SNTG1: variants seen among roughly 807,000 people sequenced by gnomAD.
SNTG1 encodes the protein syntrophin gamma 1, also known as gamma-1-syntrophin.
SNTG1 carries 39 observed loss-of-function variants against 74.7 expected under a neutral mutation model. The observed-to-expected ratio is 0.52, with a 90% CI of 0.40 to 0.68. The LOEUF (loss-of-function observed/expected upper bound fraction) is 0.68, where lower values mean the gene tolerates loss of function less well. Among genes scored for constraint, SNTG1 ranks in the 30% least tolerant of loss-of-function variants. SNTG1 has a pLI of 0.00. For synonymous variants in SNTG1, 254 were observed against 217.1 expected (o/e 1.17, Z -1.49); for missense variants, 685 against 609.5 (o/e 1.12, Z -1.30).
chr8:50,034,262 A>T (rs951936772), intron 1 of SNTG1, among the ~76,000 whole-genome samples: 6 of 152,216 alleles, frequency 3.9e-5, no homozygotes, highest in Non-Finnish European at 8.8e-5. Context: ...AAGCTTTAAA[A>T]CATGCAAGAA....
chr8:50,331,078 A>G (rs1325118497), intron 2 of SNTG1, among the ~76,000 whole-genome samples: 1 of 152,140 alleles, frequency 6.6e-6, no homozygotes, highest in Non-Finnish European at 1.5e-5. Context: ...TTATTTTCTA[A>G]AATATAAATA....
chr8:50,328,139 A>T (rs1239553416), intron 2 of SNTG1, among the ~76,000 whole-genome samples: 1 of 152,086 alleles, frequency 6.6e-6, no homozygotes, highest in East Asian at 1.9e-4. Context: ...ATTTTTCTTT[A>T]TGCAGATCCG....
intron 4 of SNTG1, among the ~76,000 whole-genome samples, chr8:50,433,337 T>C (rs576629637): frequency 6.6e-6 from 1 of 152,322 alleles, no homozygotes; most frequent in Admixed American, 6.5e-5. Context: ...CTTTATTTCA[T>C]AGTATTTCAT....
At chr8:50,005,009 C>A (rs1815082488) in intron 1 of SNTG1, among the ~76,000 whole-genome samples, 1 of 152,050 alleles carries the variant, frequency 6.6e-6, no homozygotes, top group South Asian at 2.1e-4. Flanking sequence ...TTCCGCGAGC[C>A]AGATACATTT....
intron 1 of SNTG1, among the ~76,000 whole-genome samples, chr8:50,135,319 T>C (rs1008726176): frequency 3.9e-5 from 6 of 152,206 alleles, no homozygotes; most frequent in African/African-American, 1.4e-4. Flanking sequence ...CATCATGTGG[T>C]AATAAATACA....
intron 2 of SNTG1, among the ~76,000 whole-genome samples, chr8:50,381,591 T>A (rs556510781): frequency 1.4e-5 from 2 of 137,968 alleles, no homozygotes; most frequent in South Asian, 4.5e-4. Flanking sequence ...TGTGTGTGTG[T>A]GTATATATAT....
chr8:50,089,507 C>T (rs1373503658), intron 1 of SNTG1, among the ~76,000 whole-genome samples: 33 of 151,868 alleles, frequency 2.2e-4, no homozygotes, highest in Middle Eastern at 3.4e-3. Flanking sequence ...AACCTACTCA[C>T]CTGACAAAGG....
chr8:50,331,647 A>C (rs1209925360), intron 2 of SNTG1, among the ~76,000 whole-genome samples: 1 of 152,124 alleles, frequency 6.6e-6, no homozygotes, highest in Non-Finnish European at 1.5e-5. Context: ...AGACTGAATG[A>C]TGTGGTTAAG....
intron 2 of SNTG1, among the ~76,000 whole-genome samples, chr8:50,368,623 TA>T (rs2092184782): frequency 6.6e-6 from 1 of 152,032 alleles, no homozygotes; most frequent in South Asian, 2.1e-4. Flanking sequence ...CTGAAGAGGA[TA>T]GGGGGAGCAG....
chr8:50,772,451 A>G (rs2095629576), intron 18 of SNTG1, among the ~76,000 whole-genome samples: 3 of 152,126 alleles, frequency 2.0e-5, no homozygotes, highest in Admixed American at 2.0e-4. Flanking sequence ...TGTCTGTTAT[A>G]CTATTTTATC....
upstream of SNTG1, among the ~76,000 whole-genome samples, chr8:49,910,062 C>A (rs900097675): frequency 1.3e-5 from 2 of 152,210 alleles, no homozygotes; most frequent in African/African-American, 2.4e-5. Context: ...AGCGCAATGT[C>A]CCCGGGAGGG....
intron 17 of SNTG1, among the ~76,000 whole-genome samples, chr8:50,748,065 T>C (rs993679080): frequency 2.0e-5 from 3 of 152,186 alleles, no homozygotes; most frequent in East Asian, 1.9e-4. Flanking sequence ...AGTTTTTTTG[T>C]CTGGCATTGT....
chr8:50,307,679 T>C (rs1245102265), intron 2 of SNTG1, among the ~76,000 whole-genome samples: 1 of 152,154 alleles, frequency 6.6e-6, no homozygotes, highest in Non-Finnish European at 1.5e-5. Context: ...TTTTCATCAA[T>C]TTATGGGCAT....
In SNTG1 at chr8:50,704,610, T is replaced by G; in HGVS notation, c.1049T>G (p.Leu350Arg). The G allele has an allele frequency of 6.2e-7, 1 of 1,614,140 alleles. No homozygotes were observed. The highest frequency in any genetic ancestry group is 8.5e-7 in the Non-Finnish European group (1 of 1,180,008). ...CCAGGTTTTCACCAGGACAGTGACCTGCTGGACCGACGGAAACAGTGCTTC... is the reference window on the plus strand; with the variant it reads ...CCAGGTTTTCACCAGGACAGTGACCGGCTGGACCGACGGAAACAGTGCTTC... ...IMCKILKDSD[L>R]LDRRKQCFTV... is the part of the protein sequence containing the mutation. Residue 350 changes from leucine to arginine, a missense_variant, in exon 16 of 19, where the codon CTG becomes CGG. Coordinates refer to ENST00000642720, the MANE Select transcript of SNTG1 (RefSeq NM_018967.5).
intron 1 of SNTG1, among the ~76,000 whole-genome samples, chr8:49,916,880 T>C (rs1279899345): frequency 1.3e-5 from 2 of 151,634 alleles, no homozygotes; most frequent in Admixed American, 6.6e-5. Flanking sequence ...AAAAATAATA[T>C]CTGGGTGTGG....
At chr8:50,679,749 A>C (rs769170294) in intron 15 of SNTG1, among the ~76,000 whole-genome samples, 1 of 152,186 alleles carries the variant, frequency 6.6e-6, no homozygotes, top group Non-Finnish European at 1.5e-5. Context: ...CTTCTGAGCA[A>C]GTGCTTGCTT....
chr8:50,254,304 T>C (rs1411840404), intron 2 of SNTG1, among the ~76,000 whole-genome samples: 15 of 152,138 alleles, frequency 9.9e-5, no homozygotes, highest in African/African-American at 3.4e-4. Context: ...ATAAAACCCA[T>C]GTAAGATGTT....
intron 1 of SNTG1, among the ~76,000 whole-genome samples, chr8:50,150,026 C>A (rs62516677): frequency 1.3e-5 from 2 of 151,976 alleles, no homozygotes; most frequent in Non-Finnish European, 2.9e-5. Flanking sequence ...CTATCCATGA[C>A]CATGGAATGT....
At chr8:50,699,366 C>T (rs1284775322) in intron 15 of SNTG1, among the ~76,000 whole-genome samples, 2 of 152,008 alleles carry the variant, frequency 1.3e-5, no homozygotes, top group South Asian at 2.1e-4. Context: ...TGACTAACTA[C>T]CTAAACTTAG....
Sources: gnomAD v4.1 joint callset for allele counts (sites outside exome capture counted in the v4.1 genomes callset) on GRCh38, gnomAD v4.1.1 for gene constraint, MANE v1.5 for transcripts, NCBI Gene and HGNC (gene_info 2026-07-23, HGNC 2026-07-21) for gene names.